The following AP1B1 variants were observed in gnomAD, a reference collection of about 807,000 sequenced individuals.
The protein encoded by AP1B1 is AP-1 complex subunit beta-1.
AP1B1 carries 36 observed loss-of-function variants against 104.3 expected under a neutral mutation model. The observed-to-expected ratio is 0.35, with a 90% CI of 0.26 to 0.46. The LOEUF (loss-of-function observed/expected upper bound fraction) is 0.46, where lower values mean the gene tolerates loss of function less well. Among genes scored for constraint, AP1B1 ranks in the 20% least tolerant of loss-of-function variants. AP1B1 has a pLI of 1.00. For synonymous variants in AP1B1, 504 were observed against 517.5 expected, an observed-to-expected ratio of 0.97 and a Z score of 0.35; for missense variants, 901 against 1,247.9, an observed-to-expected ratio of 0.72 and a Z score of 4.19.
intron 2 of AP1B1, among the ~76,000 whole-genome samples, chr22:29,366,384 T>A (rs5997468): frequency 0.033 from 4,950 of 152,232 alleles, 254 homozygotes; most frequent in African/African-American, 0.11. Flanking sequence ...ACGCCTGTAA[T>A]CCCAGCACTT....
chr22:29,354,107 A>G (rs1365993625), intron 7 of AP1B1, among the ~76,000 whole-genome samples: 1 of 152,156 alleles, frequency 6.6e-6, no homozygotes, highest in Non-Finnish European at 1.5e-5. Context: ...CAGCATTTGG[A>G]GTGAGTCCGA....
chr22:29,371,028 G>A (rs2062226933), intron 1 of AP1B1, among the ~76,000 whole-genome samples: 1 of 152,154 alleles, frequency 6.6e-6, no homozygotes, highest in Non-Finnish European at 1.5e-5. Context: ...GAGATGCGGA[G>A]AAAAGTGAAA....
chr22:29,373,834 A>C (rs1394078572), intron 1 of AP1B1, among the ~76,000 whole-genome samples: 1 of 151,686 alleles, frequency 6.6e-6, no homozygotes, highest in Non-Finnish European at 1.5e-5. Context: ...CCTAGGAGGC[A>C]GAGGTTGCAG....
chr22:29,351,765 G>A lies in AP1B1; in HGVS notation c.999C>T (p.Tyr333=), dbSNP rs2061878993. Reference sequence around the variant, plus strand: ...TGATGTCCAGCTTCTCCAGCTTCACGTAGATAGGGTCGTTGTACTTCACGA... The same window carrying A: ...TGATGTCCAGCTTCTCCAGCTTCACATAGATAGGGTCGTTGTACTTCACGA... ...VFFVKYNDPI[Y]VKLEKLDIMI... Residue 333 remains tyrosine (Y), a synonymous_variant, in exon 8 of 23, where the codon TAC becomes TAT. Coordinates refer to ENST00000357586, the MANE Select transcript of AP1B1 (RefSeq NM_001127.4). 6 of 1,614,084 alleles carry A rather than the reference G, an allele frequency of 3.7e-6. No individual in the cohort carries two copies. Among genetic ancestry groups the A allele is most frequent in the East Asian group, 2.2e-5 (1 of 44,894 alleles).
chr22:29,340,560 T>C (rs2061698827), intron 14 of AP1B1, 96 bp downstream of exon 14: 1 of 1,257,416 alleles, frequency 8.0e-7, no homozygotes, highest in Non-Finnish European at 1.1e-6. Flanking sequence ...ATAATGTACC[T>C]GAGGCACTCA....
Position 29,359,956 on chromosome 22 carries a change from G to C in AP1B1, c.147C>G (p.Ala49=). 1.2e-6 allele frequency: 2 copies of C among 1,612,060 alleles called. No individual in the cohort carries two copies. Among genetic ancestry groups the C allele is most frequent in the Non-Finnish European group, 1.7e-6 (2 of 1,179,052 alleles). The change falls in exon 4 of 23, where the codon GCC becomes GCG. Residue 49 remains alanine (A), a synonymous_variant. Coordinates refer to ENST00000357586, the MANE Select transcript of AP1B1 (RefSeq NM_001127.4). ...TGCAGTTGACCACATCGGGGAAGAGGGCACTGGAAGGTCAAAATGGTGTCA... is the reference window on the plus strand; with the variant it reads ...TGCAGTTGACCACATCGGGGAAGAGCGCACTGGAAGGTCAAAATGGTGTCA... ...ASMTVGKDVS[A]LFPDVVNCMQ... is the part of the protein sequence containing the mutation.
intron 18 of AP1B1, 34 bp downstream of exon 18, chr22:29,331,753 A>C: frequency 6.2e-7 from 1 of 1,614,124 alleles, no homozygotes; most frequent in African/African-American, 1.3e-5. Context: ...GTAGGTGAGT[A>C]AGGACTGGGG....
chr22:29,368,907 C>T (rs531480803), intron 1 of AP1B1, among the ~76,000 whole-genome samples: 114 of 151,612 alleles, frequency 7.5e-4, no homozygotes, highest in Non-Finnish European at 1.3e-3. Flanking sequence ...AGTGTGGTGA[C>T]AGAGCAAGAC....
chr22:29,332,084 T>C, intron 17 of AP1B1, 168 bp from the exon 18 acceptor site: 1 of 624,362 alleles, frequency 1.6e-6, no homozygotes, highest in Non-Finnish European at 2.6e-6. Flanking sequence ...GTGGGTCCCC[T>C]CCCCCAGATG....
At chr22:29,347,532 C>T (rs1032704527) in intron 11 of AP1B1, among the ~76,000 whole-genome samples, 36 of 152,142 alleles carry the variant, frequency 2.4e-4, no homozygotes, top group African/African-American at 8.7e-4. Flanking sequence ...CACACTTGGA[C>T]CCACGGGATT....
intron 9 of AP1B1, among the ~76,000 whole-genome samples, chr22:29,350,801 G>A (rs371993404): frequency 6.6e-6 from 1 of 152,182 alleles, no homozygotes; most frequent in East Asian, 1.9e-4. Context: ...ACAGAGGCAC[G>A]TGGGCAGCTG....
At chr22:29,378,148 G>A (rs2062375677) in intron 1 of AP1B1, among the ~76,000 whole-genome samples, 1 of 152,176 alleles carries the variant, frequency 6.6e-6, no homozygotes, top group African/African-American at 2.4e-5. Flanking sequence ...GGCCAGCCCA[G>A]CCGGTTTGGA....
chr22:29,330,114 C>T (rs2061534643), intron 21 of AP1B1: 2 of 1,418,698 alleles, frequency 1.4e-6, no homozygotes, highest in South Asian at 3.0e-5. Context: ...GGGTGCCAAA[C>T]CAACTGCACC....
intron 1 of AP1B1, among the ~76,000 whole-genome samples, chr22:29,382,699 T>C (rs2062456501): frequency 6.6e-6 from 1 of 152,134 alleles, no homozygotes; most frequent in Non-Finnish European, 1.5e-5. Flanking sequence ...GGTGACACTG[T>C]CTGCGAAAGA....
rs498443 is a variant in AP1B1 at position 29,366,118 on chromosome 22, A to G, written c.37+1089T>C. Reference sequence around the variant, plus strand: ...CACTTGGAAGGAAGGAGGGAGGAATAAAGGGCTGGCCAGAAAGATGCTTAC... The same window carrying G: ...CACTTGGAAGGAAGGAGGGAGGAATGAAGGGCTGGCCAGAAAGATGCTTAC... On this transcript the variant is annotated intron_variant, in intron 2 of 22. Coordinates refer to ENST00000357586, the MANE Select transcript of AP1B1 (RefSeq NM_001127.4). 4.5e-3 allele frequency among the ~76,000 whole-genome samples: 685 copies of G among 152,284 alleles called. 2 individuals carry two copies. Among genetic ancestry groups the G allele is most frequent in the African/African-American group, 5.7e-3 (238 of 41,564 alleles).
intron 3 of AP1B1, among the ~76,000 whole-genome samples, chr22:29,360,243 C>G (rs897272463): frequency 2.0e-5 from 3 of 152,204 alleles, no homozygotes; most frequent in Middle Eastern, 3.2e-3. Flanking sequence ...CTGCCTCTTG[C>G]TAGCTATATG....
intron 2 of AP1B1, among the ~76,000 whole-genome samples, chr22:29,365,213 T>C (rs2062115443): frequency 6.6e-6 from 1 of 152,176 alleles, no homozygotes. Context: ...TCAATCCCTA[T>C]GCTTGGGCCT....
chr22:29,381,580 A>G (rs1230891968), intron 1 of AP1B1, among the ~76,000 whole-genome samples: 4 of 152,234 alleles, frequency 2.6e-5, no homozygotes, highest in Non-Finnish European at 5.9e-5. Context: ...TTGTCAAGCT[A>G]TTCTAACTAT....
rs557687588 is a variant in AP1B1 at position 29,358,667 on chromosome 22, T to C, written c.525+59A>G. ...ACTGCCTGGTGAAGAGTCAAGCCAA[T>C]GTCTTCCCAAGCAACCCAGGAGGTG... On this transcript the variant is annotated intron_variant, in intron 5 of 22. Transcript: ENST00000357586. The C allele has an allele frequency of 1.7e-4, 271 of 1,570,226 alleles. 1 individual carries two copies. The South Asian group carries it at 2.6e-3, about 15-fold the overall frequency.
Sources: allele counts gnomAD v4.1 joint callset (sites outside exome capture counted in the v4.1 genomes callset), GRCh38; gene constraint gnomAD v4.1.1; transcripts MANE v1.5; gene names NCBI Gene and HGNC (gene_info 2026-07-23, HGNC 2026-07-21).